The following MAPK8IP3 variants were observed in gnomAD, a reference collection of about 807,000 sequenced individuals.
MAPK8IP3 encodes the protein C-Jun-amino-terminal kinase-interacting protein 3.
A neutral mutation model predicts 157.8 loss-of-function variants in MAPK8IP3; 49 were observed. The observed-to-expected ratio is 0.31, with a 90% CI of 0.25 to 0.39. The LOEUF is 0.39. Ranked by LOEUF, MAPK8IP3 falls within the 10% of genes least tolerant of loss-of-function variation. The pLI is 1.00. For missense variants in MAPK8IP3, 1,478 were observed against 1,889.4 expected (o/e 0.78, Z 4.04); for synonymous variants, 897 against 777.7 (o/e 1.15, Z -2.55).
In MAPK8IP3 at chr16:1,744,819, C is replaced by T. The variant is rs145179026; in HGVS notation, c.747+1343C>T. 7.0e-4 allele frequency: 686 copies of T among 985,132 alleles called. 18 individuals are homozygous for T. In the East Asian group the frequency reaches 0.031, roughly 44 times the overall value. The allele number at this position is 985,132 out of a possible 1,614,324, so 61.0% of individuals were successfully genotyped here. On this transcript the variant is annotated intron_variant, in intron 5 of 31. Coordinates refer to ENST00000610761, the MANE Select transcript of MAPK8IP3 (RefSeq NM_001318852.2). ...CATAAATTGTAGCGTTTTATGTTTTCGTTCATAGGAGTGTTTTATTTGATT... is the reference window on the plus strand; with the variant it reads ...CATAAATTGTAGCGTTTTATGTTTTTGTTCATAGGAGTGTTTTATTTGATT...
chr16:1,725,132 C>T (rs565704464), intron 2 of MAPK8IP3, among the ~76,000 whole-genome samples: 2 of 149,932 alleles, frequency 1.3e-5, no homozygotes, highest in South Asian at 2.1e-4. Context: ...CCCTGCAAGG[C>T]GAAGTAGCAG....
At chr16:1,739,567 C>T (rs1308734663) in intron 4 of MAPK8IP3, among the ~76,000 whole-genome samples, 1 of 84,566 alleles carries the variant, frequency 1.2e-5, no homozygotes, top group Non-Finnish European at 2.3e-5. Context: ...TGTGACCGTT[C>T]GTGTGTGTGT....
Position 1,724,480 on chromosome 16 carries a change from C to G in MAPK8IP3, c.319-77C>G, listed in dbSNP as rs759797993. The G allele has an allele frequency of 6.4e-7, 1 of 1,560,444 alleles. No homozygotes were observed. The highest frequency in any genetic ancestry group is 8.7e-7 in the Non-Finnish European group (1 of 1,150,988). On this transcript the variant is annotated intron_variant, in intron 1 of 31. Coordinates refer to ENST00000610761, the MANE Select transcript of MAPK8IP3 (RefSeq NM_001318852.2). This position sits in a 1 kb window ranked among gnomAD's most constrained non-coding sequence, Gnocchi z 4.1. ...TCTTTGGCCCCTGGGCCCTCAAAGC[C>G]TGCGGCCCTTCAAGTGAAAGGCGGC... is the stretch of plus-strand genomic sequence containing the variant.
intron 4 of MAPK8IP3, among the ~76,000 whole-genome samples, chr16:1,736,995 A>ACT: frequency 1.8e-5 from 1 of 54,778 alleles, no homozygotes; most frequent in African/African-American, 7.7e-5. Flanking sequence ...CATCCGTGTG[A>ACT]GCGTGTGACC....
At chr16:1,759,802 G>A (rs932919636) in intron 10 of MAPK8IP3, 156 bp from the exon 11 acceptor site, 5 of 666,350 alleles carry the variant, frequency 7.5e-6, no homozygotes, top group Non-Finnish European at 1.3e-5. Context: ...GGCCCAGCAT[G>A]AGCCCCGCCC....
At chr16:1,755,777 G>A (rs781219839) in intron 8 of MAPK8IP3, among the ~76,000 whole-genome samples, 5 of 151,096 alleles carry the variant, frequency 3.3e-5, no homozygotes, top group Non-Finnish European at 4.4e-5. Flanking sequence ...AACCCGAGAC[G>A]TGGAGGTTGC....
chr16:1,732,025 G>A (rs544155388), intron 4 of MAPK8IP3, among the ~76,000 whole-genome samples: 4 of 152,288 alleles, frequency 2.6e-5, no homozygotes, highest in African/African-American at 9.6e-5. Flanking sequence ...CGTTTTCTGT[G>A]CCCTTTGAAT....
rs1345337371 is a variant in MAPK8IP3, at chr16:1,751,645, A to G, written c.1216+2925A>G. 6.6e-6 allele frequency: 1 copy of G among 152,202 alleles called. No individual in the cohort carries two copies. The highest frequency in any genetic ancestry group is 1.5e-5 in the Non-Finnish European group (1 of 68,076). The allele number at this position is 152,202 out of a possible 1,614,324, so 9.4% of individuals were successfully genotyped here. ...GGTGTACAGTCCAGTGGGTCTTAGC[A>G]TGCTCGGTGTTGACAGTCACATCGT... On this transcript the variant is annotated intron_variant, in intron 8 of 31. Coordinates refer to ENST00000610761, the MANE Select transcript of MAPK8IP3 (RefSeq NM_001318852.2). The surrounding 1 kb of genome is among the most constrained non-coding windows in gnomAD (Gnocchi z 5.0).
chr16:1,709,364 G>T (rs1002117454), intron 1 of MAPK8IP3, among the ~76,000 whole-genome samples: 1 of 152,190 alleles, frequency 6.6e-6, no homozygotes. Flanking sequence ...CACACCCTGG[G>T]TCCATCCTCT....
In MAPK8IP3 at chr16:1,710,459, G is replaced by A. The variant is rs1326692201; in HGVS notation, c.318+3802G>A. On this transcript the variant is annotated intron_variant, in intron 1 of 31. Coordinates refer to ENST00000610761, the MANE Select transcript of MAPK8IP3 (RefSeq NM_001318852.2). This position sits in a 1 kb window ranked among gnomAD's most constrained non-coding sequence, Gnocchi z 4.1. ...CTGCACTCCAGCCTGGGCAACAAGA[G>A]TGAGACTCTGTCTCAAAATAAATAA... Among the ~76,000 whole-genome samples the A allele has an allele frequency of 2.0e-5, 3 of 152,150 alleles. No individual in the cohort carries two copies. Among genetic ancestry groups the A allele is most frequent in the Admixed American group, 6.6e-5 (1 of 15,262 alleles).
intron 5 of MAPK8IP3, chr16:1,744,544 C>G (rs2040852959): frequency 9.1e-6 from 9 of 985,496 alleles, no homozygotes; most frequent in Admixed American, 6.1e-5. Context: ...GCTGCGGGCT[C>G]CCCGGGCCTT....
chr16:1,732,377 C>T (rs754547615), intron 4 of MAPK8IP3, among the ~76,000 whole-genome samples: 6 of 152,244 alleles, frequency 3.9e-5, no homozygotes, highest in Non-Finnish European at 5.9e-5. Context: ...CACCTGCAAA[C>T]GAGAAGGGTC....
chr16:1,749,048 C>A, intron 8 of MAPK8IP3: 1 of 401,470 alleles, frequency 2.5e-6, no homozygotes. Flanking sequence ...TATGCTGTGT[C>A]GTTTAGGGAA....
chr16:1,712,578 G>T (rs1048549137), intron 1 of MAPK8IP3, among the ~76,000 whole-genome samples: 3 of 152,182 alleles, frequency 2.0e-5, no homozygotes, highest in African/African-American at 7.2e-5. Context: ...CATCTCAGGT[G>T]GTGATAACAT....
intron 1 of MAPK8IP3, among the ~76,000 whole-genome samples, chr16:1,723,015 GTTTGTTTTTGTTTTTGTT>G (rs372872191): frequency 2.7e-5 from 4 of 150,718 alleles, no homozygotes; most frequent in Admixed American, 6.6e-5. Flanking sequence ...TTTTTTGTTT[GTTTGTTTTTGTTTTTGTT>G]TTTGTTTTTG....
intron 8 of MAPK8IP3, among the ~76,000 whole-genome samples, chr16:1,749,824 A>G (rs2041188767): frequency 6.6e-6 from 1 of 152,210 alleles, no homozygotes. Flanking sequence ...CAGGGAGCAG[A>G]GTAATGTGGG....
At chr16:1,748,143 C>A in intron 6 of MAPK8IP3, 101 bp from the exon 7 acceptor site, 2 of 848,036 alleles carry the variant, frequency 2.4e-6, no homozygotes, top group South Asian at 2.8e-5. Flanking sequence ...GCAGGTGGTC[C>A]AGCTCCAGCC....
intron 4 of MAPK8IP3, among the ~76,000 whole-genome samples, chr16:1,732,487 G>A (rs924513990): frequency 6.6e-6 from 1 of 152,222 alleles, no homozygotes; most frequent in Non-Finnish European, 1.5e-5. Context: ...GCAAATGCAC[G>A]GTGTGCGCAA....
chr16:1,769,123 A>C lies in MAPK8IP3; in HGVS notation c.*299A>C, dbSNP rs1329362934. ...GTCCAGGGCACCTTGGGCCCAGCGCAGGCAGAATCCGAGGTGGTCCTGGCT... is the reference window on the plus strand; with the variant it reads ...GTCCAGGGCACCTTGGGCCCAGCGCCGGCAGAATCCGAGGTGGTCCTGGCT... On this transcript the variant is annotated 3_prime_UTR_variant, in exon 32 of 32. Transcript: ENST00000610761. 4.6e-6 allele frequency: 2 copies of C among 437,500 alleles called. No individual in the cohort carries two copies. The highest frequency in any genetic ancestry group is 8.4e-6 in the Non-Finnish European group (2 of 237,454). The allele number at this position is 437,500 out of a possible 1,614,324, so 27.1% of individuals were successfully genotyped here.
Sources: gnomAD v4.1 joint callset for allele counts (sites outside exome capture counted in the v4.1 genomes callset) on GRCh38, gnomAD v4.1.1 for gene constraint, Gnocchi (gnomAD v3.1) non-coding constraint, MANE v1.5 for transcripts, NCBI Gene and HGNC (gene_info 2026-07-23, HGNC 2026-07-21) for gene names.